Variants in RYK observed in about 807,000 individuals in gnomAD.
The protein encoded by RYK is inactive tyrosine-protein kinase RYK.
Under a neutral mutation model 70.2 loss-of-function variants are expected in RYK, and 21 were observed. The observed-to-expected ratio is 0.30, with a 90% confidence interval of 0.21 to 0.43. The LOEUF (loss-of-function observed/expected upper bound fraction) is 0.43. Ranked by LOEUF, RYK falls within the 20% of genes least tolerant of loss-of-function variation. RYK has a pLI of 1.00. For missense variants in RYK, 604 were observed against 753.3 expected (o/e 0.80, Z 2.32); for synonymous variants, 267 against 278.0 (o/e 0.96, Z 0.39).
chr3:134,189,527 G>A (rs147508357), intron 8 of RYK, among the ~76,000 whole-genome samples: 3 of 152,072 alleles, frequency 2.0e-5, no homozygotes, highest in Non-Finnish European at 2.9e-5. Context: ...TTGGGAGGCC[G>A]AGGCAGGCGG....
At position 134,250,412 on chromosome 3, in the gene RYK, GC is replaced by G; in HGVS notation, c.232+10del. ...CGACCTGCCCGCCCCGGCCTCGGCG[GC>G]CCCACTCACCGATCAGCCGGCGCAC... On this transcript the variant is annotated intron_variant, in intron 1 of 14. Transcript: ENST00000623711. 7.2e-7 allele frequency: 1 copy of G among 1,385,798 alleles called. No individual in the cohort carries two copies. Among genetic ancestry groups the G allele is most frequent in the Non-Finnish European group, 9.4e-7 (1 of 1,066,526 alleles). 85.8% of individuals were successfully genotyped at this position (1,385,798 alleles called of 1,614,324 possible).
At chr3:134,162,054 GCCCTGCAGT>G (rs1310162069) in intron 13 of RYK, among the ~76,000 whole-genome samples, 2 of 152,098 alleles carry the variant, frequency 1.3e-5, no homozygotes, top group East Asian at 3.9e-4. Context: ...TGCAGCTGCA[GCCCTGCAGT>G]CCCTGCCTCT....
At chr3:134,226,511 T>C (rs1024382069) in intron 1 of RYK, among the ~76,000 whole-genome samples, 1 of 152,126 alleles carries the variant, frequency 6.6e-6, no homozygotes, top group African/African-American at 2.4e-5. Flanking sequence ...AGCAGCATCA[T>C]ATTGATACAA....
At chr3:134,190,206 T>C (rs993577399) in intron 8 of RYK, among the ~76,000 whole-genome samples, 8 of 152,294 alleles carry the variant, frequency 5.3e-5, no homozygotes, top group African/African-American at 1.9e-4. Flanking sequence ...AGTCAATACA[T>C]AGAGCTACAC....
intron 13 of RYK, among the ~76,000 whole-genome samples, chr3:134,166,858 C>A (rs75911559): frequency 6.6e-6 from 1 of 152,288 alleles, no homozygotes; most frequent in African/African-American, 2.4e-5. Context: ...TAAAGTAAAT[C>A]CATTTATTCC....
intron 1 of RYK, among the ~76,000 whole-genome samples, chr3:134,228,395 T>C (rs1005892687): frequency 6.6e-6 from 1 of 152,236 alleles, no homozygotes; most frequent in African/African-American, 2.4e-5. Flanking sequence ...TGCATTCCCA[T>C]GTTTACTGTA....
chr3:134,191,793 T>C, intron 8 of RYK, 56 bp downstream of exon 8: 1 of 1,419,196 alleles, frequency 7.0e-7, no homozygotes, highest in Non-Finnish European at 9.5e-7. Context: ...GAAAAAAGTG[T>C]CTATAGTGGT....
At chr3:134,205,073 GAA>G (rs1362177866) in intron 5 of RYK, among the ~76,000 whole-genome samples, 1 of 152,114 alleles carries the variant, frequency 6.6e-6, no homozygotes, top group East Asian at 1.9e-4. Context: ...AAAGAAGAAT[GAA>G]AAGTTTTGGC....
intron 5 of RYK, among the ~76,000 whole-genome samples, chr3:134,206,099 T>A (rs978667094): frequency 2.0e-5 from 3 of 152,222 alleles, no homozygotes; most frequent in Admixed American, 6.5e-5. Context: ...ACATTTTTTT[T>A]AATGTTTTTT....
intron 10 of RYK, among the ~76,000 whole-genome samples, chr3:134,181,978 A>T (rs2013309436): frequency 2.6e-5 from 4 of 152,148 alleles, no homozygotes; most frequent in Admixed American, 2.6e-4. Flanking sequence ...ATCGTGGCTA[A>T]CACGGTGAAA....
chr3:134,202,662 G>T (rs2014061784), intron 6 of RYK, 68 bp downstream of exon 6: 2 of 1,422,128 alleles, frequency 1.4e-6, no homozygotes, highest in African/African-American at 1.4e-5. Flanking sequence ...GCATCGATGT[G>T]TATGGGCTCC....
At chr3:134,169,431 C>G (rs567460348) in intron 13 of RYK, among the ~76,000 whole-genome samples, 1 of 152,046 alleles carries the variant, frequency 6.6e-6, no homozygotes, top group African/African-American at 2.4e-5. Flanking sequence ...ATGGTGGTAT[C>G]CACATCTGAT....
chr3:134,250,706 G>C lies in RYK; in HGVS notation c.-52C>G, dbSNP rs916376600. The C allele has an allele frequency of 1.1e-6, 1 of 886,926 alleles. No individual in the cohort carries two copies. The highest frequency in any genetic ancestry group is 1.3e-6 in the Non-Finnish European group (1 of 743,034). 54.9% of individuals were successfully genotyped at this position (886,926 alleles called of 1,614,324 possible). A position where few individuals can be genotyped will look rare whatever the true frequency, so the allele number is the denominator to read the frequency against. On this transcript the variant is annotated 5_prime_UTR_variant, in exon 1 of 15. Coordinates refer to ENST00000623711, the MANE Select transcript of RYK (RefSeq NM_002958.4). ...AGCGTCGGCCGCCCGCCGCACCGCCGCCCACCCCCGGCCCCGAGCCGCTCA... is the reference window on the plus strand; with the variant it reads ...AGCGTCGGCCGCCCGCCGCACCGCCCCCCACCCCCGGCCCCGAGCCGCTCA...
intron 13 of RYK, 150 bp from the exon 14 acceptor site, chr3:134,159,523 CAGTT>C (rs1419897523): frequency 1.5e-5 from 10 of 656,322 alleles, no homozygotes; most frequent in South Asian, 3.0e-5. Context: ...CTATCATACA[CAGTT>C]AGTTTCCCTT....
chr3:134,240,525 T>C (rs2015296285), intron 1 of RYK, among the ~76,000 whole-genome samples: 1 of 152,192 alleles, frequency 6.6e-6, no homozygotes, highest in African/African-American at 2.4e-5. Flanking sequence ...GATACTGTAG[T>C]GGATATAGGA....
At chr3:134,186,518 A>C (rs185728766) in intron 9 of RYK, among the ~76,000 whole-genome samples, 7 of 152,348 alleles carry the variant, frequency 4.6e-5, no homozygotes, top group Admixed American at 2.6e-4. Context: ...ATGTGGCGCT[A>C]TCTCTCTAAC....
intron 13 of RYK, among the ~76,000 whole-genome samples, chr3:134,163,114 C>T (rs2108140363): frequency 6.6e-6 from 1 of 152,228 alleles, no homozygotes; most frequent in South Asian, 2.1e-4. Context: ...CAACATTTAC[C>T]TAAGGTTTTC....
intron 6 of RYK, among the ~76,000 whole-genome samples, chr3:134,198,107 A>T (rs1560012610): frequency 6.6e-6 from 1 of 152,248 alleles, no homozygotes; most frequent in Non-Finnish European, 1.5e-5. Flanking sequence ...ACATAGCTAT[A>T]TCACAAGAGG....
intron 1 of RYK, among the ~76,000 whole-genome samples, chr3:134,246,227 T>C (rs1433757224): frequency 1.4e-5 from 2 of 147,688 alleles, no homozygotes; most frequent in African/African-American, 2.5e-5. Context: ...ACGTAAGACA[T>C]GAGATTAGTT....
Sources: allele counts gnomAD v4.1 joint callset (sites outside exome capture counted in the v4.1 genomes callset), GRCh38; gene constraint gnomAD v4.1.1; transcripts MANE v1.5; gene names NCBI Gene and HGNC (gene_info 2026-07-23, HGNC 2026-07-21).